C10orf67: variants seen among roughly 807,000 people sequenced by gnomAD.
The protein encoded by C10orf67 is chromosome 10 open reading frame 67, also known as uncharacterized protein C10orf67, mitochondrial.
In C10orf67, 60 loss-of-function variants were observed where a neutral mutation model predicts 35.6. The ratio of observed to expected loss-of-function variants is 1.68; its 90% confidence interval spans 1.37 to 2.09. The LOEUF is 2.09. Among genes scored for constraint, C10orf67 ranks in the 30% most tolerant of loss-of-function variants. C10orf67 has a pLI of 0.00. For synonymous variants in C10orf67, 167 were observed against 115.8 expected (o/e 1.44, Z -2.84); for missense variants, 474 against 330.2 (o/e 1.44, Z -3.38).
intron 2 of C10orf67, among the ~76,000 whole-genome samples, chr10:23,330,951 G>T (rs1447528180): frequency 6.7e-6 from 1 of 150,202 alleles, no homozygotes; most frequent in African/African-American, 2.4e-5. Flanking sequence ...AGGAAAAAAG[G>T]AAGGAAAACC....
At position 23,344,718 on chromosome 10, in the gene C10orf67, C is replaced by G; in HGVS notation, c.57G>C (p.Trp19Cys). 6.4e-7 allele frequency: 1 copy of G among 1,574,186 alleles called. No homozygotes were observed. Among genetic ancestry groups the G allele is most frequent in the Non-Finnish European group, 8.6e-7 (1 of 1,160,230 alleles). The change falls in exon 1 of 16, where the codon TGG (tryptophan) becomes TGC (cysteine). Residue 19 changes from tryptophan to cysteine, a missense_variant. Transcript: ENST00000636213. ...TCAAGGAGGAGGAAAAGCAGTGAACCCATCTAATAACTATGCTCATGACAT... is the reference window on the plus strand; with the variant it reads ...TCAAGGAGGAGGAAAAGCAGTGAACGCATCTAATAACTATGCTCATGACAT... Reference protein sequence around the residue: ...AHYVMSIVIRWVHCFSSSLRG... With the variant: ...AHYVMSIVIRCVHCFSSSLRG...
chr10:23,268,507 C>A lies in C10orf67; in HGVS notation c.976-1253G>T, dbSNP rs74121800. 7.6e-3 allele frequency among the ~76,000 whole-genome samples: 1,156 copies of A among 152,234 alleles called. 14 individuals carry two copies. Among genetic ancestry groups the A allele is most frequent in the African/African-American group, 0.026 (1,099 of 41,532 alleles). Reference sequence around the variant, plus strand: ...CTCATTGGCATCTGAACAACAACTACAATGGATTTGTAAAATTTTCTCTCA... The same window carrying A: ...CTCATTGGCATCTGAACAACAACTAAAATGGATTTGTAAAATTTTCTCTCA... On this transcript the variant is annotated intron_variant, in intron 8 of 15. Coordinates refer to ENST00000636213, the MANE Select transcript of C10orf67 (RefSeq NM_001371909.1).
intron 1 of C10orf67, among the ~76,000 whole-genome samples, chr10:23,340,568 C>T (rs1322422143): frequency 3.9e-5 from 6 of 152,090 alleles, no homozygotes; most frequent in Admixed American, 1.3e-4. Flanking sequence ...CATGACTCTC[C>T]GATTTCACCA....
At chr10:23,248,613 A>G (rs1350022553) in intron 12 of C10orf67, among the ~76,000 whole-genome samples, 1 of 152,216 alleles carries the variant, frequency 6.6e-6, no homozygotes, top group African/African-American at 2.4e-5. Context: ...GATCAGTTAC[A>G]GTAAAATGAA....
intron 1 of C10orf67, chr10:23,344,059 A>C: frequency 3.3e-6 from 1 of 298,634 alleles, no homozygotes; most frequent in Non-Finnish European, 7.3e-6. Flanking sequence ...CGGAGTCGGG[A>C]ACCCGGCGTC....
rs1307958133 is a variant in C10orf67 at position 23,315,382 on chromosome 10, C to T, written c.546+5359G>A. 7.2e-5 allele frequency among the ~76,000 whole-genome samples: 11 copies of T among 151,974 alleles called. 1 individual carries two copies. Among genetic ancestry groups the T allele is most frequent in the Admixed American group, 7.2e-4 (11 of 15,258 alleles). ...TATACATTAGAAATAGATCAATGTC[C>T]CAGAAATTGTAGAAGACACAAAGAA... On this transcript the variant is annotated intron_variant, in intron 4 of 15. Transcript: ENST00000636213.
intron 1 of C10orf67, among the ~76,000 whole-genome samples, chr10:23,342,683 G>A (rs181100454): frequency 6.6e-6 from 1 of 152,276 alleles, no homozygotes; most frequent in South Asian, 2.1e-4. Flanking sequence ...TGTTTATCAC[G>A]TGCTGCCTCT....
Position 23,335,435 on chromosome 10 carries a change from T to A in C10orf67, c.207-2253A>T, listed in dbSNP as rs1845643899. On this transcript the variant is annotated intron_variant, in intron 1 of 15. Transcript: ENST00000636213. ...TCTTATGGAAAATAATAGTCCCCAC[T>A]TCATAGACTTACTGTGAGAATTTAG... Among the ~76,000 whole-genome samples, 3 of 152,188 alleles carry A rather than the reference T, an allele frequency of 2.0e-5. 1 individual carries two copies. In the South Asian group the frequency reaches 6.2e-4, roughly 32 times the overall value.
At chr10:23,343,530 T>C (rs993522505) in intron 1 of C10orf67, among the ~76,000 whole-genome samples, 12 of 152,180 alleles carry the variant, frequency 7.9e-5, no homozygotes, top group Non-Finnish European at 1.8e-4. Flanking sequence ...ACGGGTACTG[T>C]GTCCTAGATT....
intron 4 of C10orf67, among the ~76,000 whole-genome samples, chr10:23,319,205 G>GTC (rs1404515586): frequency 6.6e-6 from 1 of 152,012 alleles, no homozygotes. Context: ...CCTTCTTTGT[G>GTC]TCCATATGTT....
intron 4 of C10orf67, among the ~76,000 whole-genome samples, chr10:23,314,175 A>G (rs1844602858): frequency 7.0e-6 from 1 of 142,694 alleles, no homozygotes; most frequent in Admixed American, 7.1e-5. Context: ...GAGACAGAGC[A>G]AGACTCTGTT....
chr10:23,328,993 C>CAAAAAAAAAAAAAAAAAAAAGAAAA (rs1845314468), intron 2 of C10orf67, among the ~76,000 whole-genome samples: 22 of 78,724 alleles, frequency 2.8e-4, no homozygotes, highest in Non-Finnish European at 3.7e-4. Flanking sequence ...CATAAACGAA[C>CAAAAAAAAAAAAAAAAAAAAGAAAA]AAAAAAAAAA....
chr10:23,225,162 G>A (rs1400148735), intron 13 of C10orf67, among the ~76,000 whole-genome samples: 3 of 152,200 alleles, frequency 2.0e-5, no homozygotes, highest in Admixed American at 1.3e-4. Context: ...CAGACTAACA[G>A]CGGATCTCTC....
At chr10:23,332,115 G>A (rs1588707551) in intron 2 of C10orf67, among the ~76,000 whole-genome samples, 1 of 152,126 alleles carries the variant, frequency 6.6e-6, no homozygotes, top group East Asian at 1.9e-4. Context: ...GTATGTGCAG[G>A]ATTATTCATC....
intron 8 of C10orf67, among the ~76,000 whole-genome samples, chr10:23,277,802 T>C (rs539588873): frequency 1.3e-5 from 2 of 152,300 alleles, no homozygotes; most frequent in South Asian, 2.1e-4. Context: ...TATTCTCACA[T>C]TGCTATAAAG....
chr10:23,296,317 T>A (rs1843879511), intron 5 of C10orf67, among the ~76,000 whole-genome samples: 1 of 152,214 alleles, frequency 6.6e-6, no homozygotes, highest in South Asian at 2.1e-4. Context: ...TCATTGTCCC[T>A]CCCACTGTGC....
intron 2 of C10orf67, among the ~76,000 whole-genome samples, chr10:23,323,952 T>TATATATACACAC (rs1564513730): frequency 5.6e-4 from 36 of 64,644 alleles, no homozygotes; most frequent in Non-Finnish European, 7.4e-4. Flanking sequence ...TATATATATA[T>TATATATACACAC]ACACACACAC....
chr10:23,221,330 T>G (rs891257729), intron 15 of C10orf67, among the ~76,000 whole-genome samples: 3 of 152,180 alleles, frequency 2.0e-5, no homozygotes, highest in Admixed American at 2.0e-4. Context: ...TCAGCCCCTA[T>G]AATCCAATCA....
At chr10:23,299,011 C>A (rs952807238) in intron 5 of C10orf67, among the ~76,000 whole-genome samples, 1 of 151,996 alleles carries the variant, frequency 6.6e-6, no homozygotes, top group African/African-American at 2.4e-5. Flanking sequence ...TCTTCAAAGG[C>A]AAACAAGAAT....
Sources: gnomAD v4.1 joint callset for allele counts (sites outside exome capture counted in the v4.1 genomes callset) on GRCh38, gnomAD v4.1.1 for gene constraint, MANE v1.5 for transcripts, NCBI Gene and HGNC (gene_info 2026-07-23, HGNC 2026-07-21) for gene names.